FGFR2: variants seen among roughly 807,000 people sequenced by gnomAD.
FGFR2 encodes the protein BEK fibroblast growth factor receptor.
FGFR2 carries 19 observed loss-of-function variants against 95.9 expected under a neutral mutation model. The ratio of observed to expected loss-of-function variants is 0.20; its 90% CI spans 0.14 to 0.29. The LOEUF is 0.29. Among genes scored for constraint, FGFR2 ranks in the 10% least tolerant of loss-of-function variants. The pLI is 1.00. For synonymous variants in FGFR2, 392 were observed against 393.3 expected, an observed-to-expected ratio of 1.00 and a Z score of 0.04; for missense variants, 707 against 1,056.9, an observed-to-expected ratio of 0.67 and a Z score of 4.59.
At chr10:121,493,133 TCC>T (rs1310147367) in intron 13 of FGFR2, among the ~76,000 whole-genome samples, 1 of 152,110 alleles carries the variant, frequency 6.6e-6, no homozygotes, top group Admixed American at 6.5e-5. Flanking sequence ...GGGATCCAAA[TCC>T]CACCTATTTC....
At chr10:121,527,954 G>T (rs186582000) in intron 6 of FGFR2, 2 of 152,288 alleles carry the variant, frequency 1.3e-5, no homozygotes, top group African/African-American at 2.4e-5. Flanking sequence ...TTATCAGCTG[G>T]TGTCTGCATA....
At chr10:121,585,663 A>G (rs1484843962) in intron 2 of FGFR2, among the ~76,000 whole-genome samples, 1 of 152,236 alleles carries the variant, frequency 6.6e-6, no homozygotes, top group Non-Finnish European at 1.5e-5. Flanking sequence ...ATGTCTCCAG[A>G]AAGCATACCA....
rs374820422 is a variant in FGFR2 at position 121,591,579 on chromosome 10, C to T, written c.109+2130G>A. Among the ~76,000 whole-genome samples the T allele has an allele frequency of 5.9e-5, 9 of 152,288 alleles. No homozygotes were observed. The South Asian group carries it at 1.2e-3, about 21-fold the overall frequency. On this transcript the variant is annotated intron_variant, in intron 2 of 17. Coordinates refer to ENST00000358487, the MANE Select transcript of FGFR2 (RefSeq NM_000141.5). ...AAGATCATCTTCTTAAGCCCTCAGACGACAGAAAGGGAAACTGAGGCCTGG... is the reference window on the plus strand; with the variant it reads ...AAGATCATCTTCTTAAGCCCTCAGATGACAGAAAGGGAAACTGAGGCCTGG...
rs1029032512 is a variant in FGFR2 at position 121,508,760 on chromosome 10, G to A, written c.1288-4819C>T. Among the ~76,000 whole-genome samples, 6 of 152,316 alleles carry A rather than the reference G, an allele frequency of 3.9e-5. No homozygotes were observed. In the South Asian group the frequency reaches 6.2e-4, roughly 16 times the overall value. ...AAATACTTTTATAAGAACACGAAAC[G>A]GGGGAAAAGGGTAAGAAAACGTGCA... On this transcript the variant is annotated intron_variant, in intron 9 of 17. Transcript: ENST00000358487.
intron 2 of FGFR2, among the ~76,000 whole-genome samples, chr10:121,568,112 A>G (rs1380074183): frequency 6.6e-6 from 1 of 152,178 alleles, no homozygotes; most frequent in Non-Finnish European, 1.5e-5. Context: ...AAAGAAAGGA[A>G]GAGAAATATG....
Position 121,593,965 on chromosome 10 carries a change from T to A in FGFR2, c.-148A>T, listed in dbSNP as rs983167438. On this transcript the variant is annotated splice_region_variant and 5_prime_UTR_variant, in exon 2 of 18. Transcript: ENST00000358487. Reference sequence around the variant, plus strand: ...CGAGGCGCTGCCGCTGCTGCTGCAGTCACTAAAGGAAAGAGATTGGCGAGT... The same window carrying A: ...CGAGGCGCTGCCGCTGCTGCTGCAGACACTAAAGGAAAGAGATTGGCGAGT... The A allele has an allele frequency of 4.0e-6, 3 of 747,858 alleles. No individual in the cohort carries two copies. The highest frequency in any genetic ancestry group is 2.0e-5 in the Admixed American group (1 of 49,844). 46.3% of individuals were successfully genotyped at this position (747,858 alleles called of 1,614,324 possible).
At position 121,537,647 on chromosome 10, in the gene FGFR2, G is replaced by A. The variant is rs1055312574; in HGVS notation, c.748+945C>T. Among the ~76,000 whole-genome samples, 13 of 152,278 alleles carry A rather than the reference G, an allele frequency of 8.5e-5. 1 individual carries two copies. The South Asian group carries it at 2.1e-3, about 24-fold the overall frequency. On this transcript the variant is annotated intron_variant, in intron 6 of 17. Coordinates refer to ENST00000358487, the MANE Select transcript of FGFR2 (RefSeq NM_000141.5). The stretch of plus-strand genomic sequence containing the variant: ...GTGGAATTACCAACAGTCACATTAC[G>A]GCAAAACGTGAGTGTGAACTGAGTT...
intron 1 of FGFR2, among the ~76,000 whole-genome samples, chr10:121,597,535 G>C (rs1407403479): frequency 6.6e-6 from 1 of 152,254 alleles, no homozygotes; most frequent in Non-Finnish European, 1.5e-5. Context: ...GCAGGGCCTG[G>C]ATGGTACGGA....
intron 9 of FGFR2, among the ~76,000 whole-genome samples, chr10:121,512,012 A>G (rs573472916): frequency 1.8e-4 from 28 of 152,186 alleles, no homozygotes; most frequent in Non-Finnish European, 3.7e-4. Flanking sequence ...GAGGGACCTG[A>G]GTGAGACGCT....
intron 5 of FGFR2, among the ~76,000 whole-genome samples, chr10:121,545,606 T>C (rs1402654512): frequency 6.6e-6 from 1 of 152,164 alleles, no homozygotes; most frequent in East Asian, 1.9e-4. Flanking sequence ...AAAGCTGAAA[T>C]GTCTTCACTG....
intron 2 of FGFR2, 45 bp downstream of exon 2, chr10:121,593,664 G>A (rs1564754261): frequency 6.4e-7 from 1 of 1,565,870 alleles, no homozygotes; most frequent in Non-Finnish European, 8.8e-7. Context: ...TCTGCCCCCA[G>A]ACAAATCCCA....
intron 5 of FGFR2, among the ~76,000 whole-genome samples, chr10:121,545,374 G>A (rs1589932183): frequency 6.6e-6 from 1 of 152,308 alleles, no homozygotes; most frequent in Admixed American, 6.5e-5. Context: ...AAACCACGTA[G>A]GTCCAAATGG....
chr10:121,592,670 T>C (rs1171961570), intron 2 of FGFR2, among the ~76,000 whole-genome samples: 1 of 152,108 alleles, frequency 6.6e-6, no homozygotes, highest in Non-Finnish European at 1.5e-5. Flanking sequence ...TCTCCCAGCC[T>C]ACCCCACTGG....
chr10:121,591,063 G>A (rs780513807), intron 2 of FGFR2, among the ~76,000 whole-genome samples: 1 of 151,952 alleles, frequency 6.6e-6, no homozygotes, highest in Non-Finnish European at 1.5e-5. Flanking sequence ...GCCTAAACCT[G>A]AGCCCATTTT....
At chr10:121,578,666 T>C (rs1860328571) in intron 2 of FGFR2, among the ~76,000 whole-genome samples, 1 of 152,180 alleles carries the variant, frequency 6.6e-6, no homozygotes, top group Admixed American at 6.5e-5. Context: ...TCCCAGCACT[T>C]TGGGAGGCCA....
chr10:121,597,985 G>A lies in FGFR2; in HGVS notation c.-174C>T, dbSNP rs2135543624. Reference sequence around the variant, plus strand: ...ACCTTGAATGGCAACGCTCCTCCGCGACCTGTGTTGTCCCCGCGCCCCGCG... The same window carrying A: ...ACCTTGAATGGCAACGCTCCTCCGCAACCTGTGTTGTCCCCGCGCCCCGCG... On this transcript the variant is annotated 5_prime_UTR_variant, in exon 1 of 18. Coordinates refer to ENST00000358487, the MANE Select transcript of FGFR2 (RefSeq NM_000141.5). 2 of 394,632 alleles carry A rather than the reference G, an allele frequency of 5.1e-6. No individual in the cohort carries two copies. Among genetic ancestry groups the A allele is most frequent in the East Asian group, 3.6e-5 (1 of 27,908 alleles). 24.4% of individuals were successfully genotyped at this position (394,632 alleles called of 1,614,324 possible).
At chr10:121,557,123 C>T (rs1229087088) in intron 4 of FGFR2, among the ~76,000 whole-genome samples, 1 of 152,180 alleles carries the variant, frequency 6.6e-6, no homozygotes, top group East Asian at 1.9e-4. Context: ...AAGTTAACCA[C>T]AAGTGAAAGA....
chr10:121,496,806 C>T (rs1043923180), intron 12 of FGFR2, 84 bp from the exon 13 acceptor site: 7 of 1,085,616 alleles, frequency 6.4e-6, no homozygotes, highest in African/African-American at 1.6e-5. Flanking sequence ...TTAGTTATTA[C>T]AACCCATGCT....
intron 9 of FGFR2, among the ~76,000 whole-genome samples, chr10:121,507,729 A>G (rs1848512001): frequency 6.6e-6 from 1 of 152,160 alleles, no homozygotes; most frequent in Admixed American, 6.5e-5. Flanking sequence ...CAACACTGCA[A>G]TATTTTCTCT....
Sources: gnomAD v4.1 joint callset for allele counts (sites outside exome capture counted in the v4.1 genomes callset) on GRCh38, gnomAD v4.1.1 for gene constraint, MANE v1.5 for transcripts, NCBI Gene and HGNC (gene_info 2026-07-23, HGNC 2026-07-21) for gene names.